The following SYCE1 variants were observed in gnomAD, a reference collection of about 807,000 sequenced individuals.
The protein encoded by SYCE1 is cancer/testis antigen 76.
Under a neutral mutation model 55.1 loss-of-function variants are expected in SYCE1, and 37 were observed. That is an observed-to-expected ratio of 0.67 (90% CI 0.52 to 0.88). SYCE1 has a LOEUF of 0.88. Among genes scored for constraint, SYCE1 ranks in the 40% least tolerant of loss-of-function variants. The pLI, the probability that SYCE1 is intolerant of heterozygous loss-of-function variation, is 0.00. For synonymous variants in SYCE1, 163 were observed against 159.4 expected (o/e 1.02, Z -0.17); for missense variants, 399 against 416.4 (o/e 0.96, Z 0.36).
At chr10:133,560,342 C>A (rs1002674477) in intron 1 of SYCE1, 189 bp from the exon 2 acceptor site, 4 of 511,890 alleles carry the variant, frequency 7.8e-6, no homozygotes, top group Non-Finnish European at 1.4e-5. Flanking sequence ...TAAAATTATA[C>A]CAGATATCCT....
chr10:133,564,832 G>T (rs538529194), intron 1 of SYCE1, among the ~76,000 whole-genome samples: 14 of 152,332 alleles, frequency 9.2e-5, no homozygotes, highest in African/African-American at 3.4e-4. Context: ...GTGTCCTGAA[G>T]TGGAAACGGC....
chr10:133,557,061 G>A lies in SYCE1; in HGVS notation c.464+6C>T. The A allele has an allele frequency of 6.2e-7, 1 of 1,613,812 alleles. No homozygotes were observed. The highest frequency in any genetic ancestry group is 8.5e-7 in the Non-Finnish European group (1 of 1,179,754). ...CAAACCCCCTGCCTCAGATGCTAAGGTTTACCTCAGCTGTCTCTGTTTGTT... is the reference window on the plus strand; with the variant it reads ...CAAACCCCCTGCCTCAGATGCTAAGATTTACCTCAGCTGTCTCTGTTTGTT... On this transcript the variant is annotated splice_donor_region_variant and intron_variant, in intron 7 of 12. Coordinates refer to ENST00000343131, the MANE Select transcript of SYCE1 (RefSeq NM_001143764.3).
At chr10:133,556,662 C>A in intron 8 of SYCE1, 97 bp downstream of exon 8, 3 of 1,293,974 alleles carry the variant, frequency 2.3e-6, no homozygotes, top group Non-Finnish European at 3.3e-6. Flanking sequence ...GCTTGCTTGG[C>A]GACTGGTTGT....
chr10:133,562,285 G>A (rs202161589), intron 1 of SYCE1, among the ~76,000 whole-genome samples: 8,187 of 136,768 alleles, frequency 0.06, 329 homozygotes, highest in South Asian at 0.18. Flanking sequence ...GTGTGTGTGT[G>A]TGTGTGTGTG....
intron 6 of SYCE1, 188 bp downstream of exon 6, chr10:133,557,676 C>A: frequency 1.6e-6 from 1 of 619,696 alleles, no homozygotes. Context: ...GAATGTCTTG[C>A]CATTGAGAGA....
chr10:133,559,909 C>A, intron 2 of SYCE1, 182 bp downstream of exon 2: 1 of 622,120 alleles, frequency 1.6e-6, no homozygotes, highest in East Asian at 2.9e-5. Flanking sequence ...CTTCTATACC[C>A]TTTTGCTTCT....
rs567504701 is a variant in SYCE1, at chr10:133,557,399, C to T, written c.375-243G>A. ...ATGCACACACATCTTAGTATCATCTCGTTTTCCCAAAGAGCTGAAATCTCA... is the reference window on the plus strand; with the variant it reads ...ATGCACACACATCTTAGTATCATCTTGTTTTCCCAAAGAGCTGAAATCTCA... On this transcript the variant is annotated intron_variant, in intron 6 of 12. Transcript: ENST00000343131. 7 of 538,164 alleles carry T rather than the reference C, an allele frequency of 1.3e-5. No homozygotes were observed. In the East Asian group the frequency reaches 1.6e-4, roughly 12 times the overall value. 33.3% of individuals were successfully genotyped at this position (538,164 alleles called of 1,614,324 possible).
At chr10:133,567,616 T>A (rs1851979275), upstream of SYCE1, among the ~76,000 whole-genome samples, 1 of 152,040 alleles carries the variant, frequency 6.6e-6, no homozygotes, top group Admixed American at 6.5e-5. Context: ...TTTCATTACT[T>A]CTTTTGGGGA....
Position 133,558,942 on chromosome 10 carries a change from T to C in SYCE1, c.206A>G (p.Lys69Arg), listed in dbSNP as rs1408160463. 6.2e-7 allele frequency: 1 copy of C among 1,611,026 alleles called. No individual in the cohort carries two copies. The highest frequency in any genetic ancestry group is 1.7e-5 in the Admixed American group (1 of 58,986). The change falls in exon 4 of 13, where the codon AAA (lysine) becomes AGA (arginine). Residue 69 changes from lysine (K) to arginine (R), a missense_variant. Coordinates refer to ENST00000343131, the MANE Select transcript of SYCE1 (RefSeq NM_001143764.3). ...GGCCTCTCCTAGGTCTTTATTGGCT[T>C]TCTTTTTTGCTTCACCAAAGAGCAG... ...RINEVQQAKK[K>R]ANKDLGEART...
At chr10:133,563,644 T>G (rs1359914804) in intron 1 of SYCE1, among the ~76,000 whole-genome samples, 1 of 151,154 alleles carries the variant, frequency 6.6e-6, no homozygotes, top group African/African-American at 2.4e-5. Context: ...GAGCAGTGAT[T>G]GTACCACTGC....
rs1851636374 is a variant in SYCE1, at chr10:133,555,421, T to C, written c.848A>G (p.Glu283Gly). The C allele has an allele frequency of 6.2e-7, 1 of 1,614,022 alleles. No individual in the cohort carries two copies. Among genetic ancestry groups the C allele is most frequent in the African/African-American group, 1.3e-5 (1 of 74,926 alleles). The change falls in exon 12 of 13, where the codon GAA (glutamate) becomes GGA (glycine). Residue 283 changes from glutamate (E) to glycine (G), a missense_variant. Physicochemically the swap from Glu to Gly is moderately conservative, Grantham distance 98. Transcript: ENST00000343131. ...QKRQRLKEEL[E>G]KHGMQVPAQA... is the part of the protein sequence containing the mutation. ...GGCAGGGACTTGCATTCCATGCTTT[T>C]CCAGCTCTTCCTTCAGCCTGGACAG...
At chr10:133,562,286 T>C (rs1377866918) in intron 1 of SYCE1, among the ~76,000 whole-genome samples, 1 of 136,260 alleles carries the variant, frequency 7.3e-6, no homozygotes, top group Non-Finnish European at 1.6e-5. Context: ...TGTGTGTGTG[T>C]GTGTGTGTGT....
rs201730154 is a variant in SYCE1 at position 133,555,823 on chromosome 10, C to T, written c.676G>A (p.Asp226Asn). 3 of 1,613,832 alleles carry T rather than the reference C, an allele frequency of 1.9e-6. No individual in the cohort carries two copies. Among genetic ancestry groups the T allele is most frequent in the Non-Finnish European group, 2.5e-6 (3 of 1,179,996 alleles). Residue 226 changes from aspartate to asparagine, a missense_variant, in exon 10 of 13, where the codon GAT becomes AAT. Transcript: ENST00000343131. ...LCGAEGPSTL[D>N]EGLFLRSQEA... ...TGGCTGCGGAGAAAGAGTCCCTCAT[C>T]AAGGGTGGAGGGGCCCTCAGCCCCA...
chr10:133,563,864 T>C (rs1315818687), intron 1 of SYCE1, among the ~76,000 whole-genome samples: 1 of 152,144 alleles, frequency 6.6e-6, no homozygotes, highest in African/African-American at 2.4e-5. Flanking sequence ...GAAGAAAAAA[T>C]TGAAACACCA....
Position 133,554,886 on chromosome 10 carries a change from C to T in SYCE1, c.*106G>A. ...CATTTATTGAAAACCTGTGATGTACCTCTGGCCCAGACCAAGAGGCAGAGT... is the reference window on the plus strand; with the variant it reads ...CATTTATTGAAAACCTGTGATGTACTTCTGGCCCAGACCAAGAGGCAGAGT... On this transcript the variant is annotated 3_prime_UTR_variant, in exon 13 of 13. Coordinates refer to ENST00000343131, the MANE Select transcript of SYCE1 (RefSeq NM_001143764.3). 3 of 1,461,642 alleles carry T rather than the reference C, an allele frequency of 2.1e-6. No individual in the cohort carries two copies. The highest frequency in any genetic ancestry group is 2.5e-5 in the East Asian group (1 of 40,142). 90.5% of individuals were successfully genotyped at this position (1,461,642 alleles called of 1,614,324 possible).
rs753267352 is a variant in SYCE1, at chr10:133,557,118, G to A, written c.413C>T (p.Ser138Phe). The A allele has an allele frequency of 4.3e-6, 7 of 1,614,018 alleles. No individual in the cohort carries two copies. In the African/African-American group the frequency reaches 9.3e-5, roughly 22 times the overall value. The change falls in exon 7 of 13, where the codon TCT (serine) becomes TTT (phenylalanine). Residue 138 changes from serine (S) to phenylalanine (F), a missense_variant. By Grantham distance (155) the Ser-to-Phe change is radical. Coordinates refer to ENST00000343131, the MANE Select transcript of SYCE1 (RefSeq NM_001143764.3). ...TMLQECKERI[S>F]ALNLQIEEEK... ...TTCTTCAATCTGCAAGTTCAGGGCA[G>A]AAATTCTCTCCTTGCACTCCTGCAA... is the stretch of plus-strand genomic sequence containing the variant.
At chr10:133,557,649 T>C (rs1055342866) in intron 6 of SYCE1, 6 of 600,510 alleles carry the variant, frequency 1.0e-5, no homozygotes, top group Non-Finnish European at 1.8e-5. Flanking sequence ...AGAAATTTAA[T>C]TGACAATTTA....
At chr10:133,566,215 C>T (rs1041175593), upstream of SYCE1, among the ~76,000 whole-genome samples, 9 of 152,194 alleles carry the variant, frequency 5.9e-5, no homozygotes, top group African/African-American at 2.2e-4. Context: ...CAGAGGCTTT[C>T]GGGAGAACCC....
At chr10:133,567,697 GC>G, upstream of SYCE1, 1 of 219,502 alleles carries the variant, frequency 4.6e-6, no homozygotes, top group Non-Finnish European at 9.4e-6. Flanking sequence ...GGTTACCACG[GC>G]CCCTGGGCAG....
Sources: allele counts gnomAD v4.1 joint callset (sites outside exome capture counted in the v4.1 genomes callset), GRCh38; gene constraint gnomAD v4.1.1; transcripts MANE v1.5; gene names NCBI Gene and HGNC (gene_info 2026-07-23, HGNC 2026-07-21).